SPATA17: variants seen among roughly 807,000 people sequenced by gnomAD.
The protein encoded by SPATA17 is spermatogenesis associated 17.
Under a neutral mutation model 62.2 loss-of-function variants are expected in SPATA17, and 53 were observed. The observed-to-expected ratio is 0.85, with a 90% CI of 0.68 to 1.07. The LOEUF is 1.07. Ranked by LOEUF, SPATA17 falls within the 50% of genes least tolerant of loss-of-function variation. The probability of loss-of-function intolerance (pLI) is 0.00; values close to 1 mark genes in which losing one functional copy is unlikely to be tolerated. For missense variants in SPATA17, 466 were observed against 425.5 expected, an observed-to-expected ratio of 1.10 and a Z score of -0.84; for synonymous variants, 146 against 146.8, an observed-to-expected ratio of 0.99 and a Z score of 0.04.
At chr1:217,640,333 A>G (rs1670032171) in intron 1 of SPATA17, among the ~76,000 whole-genome samples, 1 of 152,156 alleles carries the variant, frequency 6.6e-6, no homozygotes, top group African/African-American at 2.4e-5. Flanking sequence ...TATATGTGTA[A>G]AAAACTCTAT....
At chr1:217,832,813 C>T (rs781367707) in intron 9 of SPATA17, among the ~76,000 whole-genome samples, 4 of 151,860 alleles carry the variant, frequency 2.6e-5, no homozygotes, top group Non-Finnish European at 5.9e-5. Flanking sequence ...TGTGGCAGTG[C>T]GCATCTGTAG....
intron 9 of SPATA17, among the ~76,000 whole-genome samples, chr1:217,847,046 T>G (rs1292776805): frequency 6.6e-6 from 1 of 152,068 alleles, no homozygotes; most frequent in African/African-American, 2.4e-5. Flanking sequence ...TGAATTTCAC[T>G]TTATTCAAGA....
At chr1:217,682,886 A>G (rs1282407114) in intron 4 of SPATA17, among the ~76,000 whole-genome samples, 1 of 152,148 alleles carries the variant, frequency 6.6e-6, no homozygotes, top group South Asian at 2.1e-4. Context: ...GTATATTTCA[A>G]TGAGACCAAA....
chr1:217,749,985 C>CTCTCTATATA lies in SPATA17; in HGVS notation c.519+7888_519+7889insCTCTATATAT. Among the ~76,000 whole-genome samples, 54 of 12,312 alleles carry CTCTCTATATA rather than the reference C, an allele frequency of 4.4e-3. 5 individuals carry two copies. Among genetic ancestry groups the CTCTCTATATA allele is most frequent in the East Asian group, 9.2e-3 (4 of 436 alleles). 8.1% of individuals were successfully genotyped at this position (12,312 alleles called of 152,430 possible). On this transcript the variant is annotated intron_variant, in intron 6 of 10. Coordinates refer to ENST00000366933, the MANE Select transcript of SPATA17 (RefSeq NM_138796.4). ...TCTCTCTCTCTCTCTCTCTCTCTCT[C>CTCTCTATATA]TATATATATATATATATATATATAT... is the stretch of plus-strand genomic sequence containing the variant.
intron 8 of SPATA17, among the ~76,000 whole-genome samples, chr1:217,792,813 TCTC>T (rs1456795252): frequency 6.6e-6 from 1 of 152,050 alleles, no homozygotes; most frequent in Non-Finnish European, 1.5e-5. Flanking sequence ...CAAGCAAGAA[TCTC>T]CTCAGATTGA....
chr1:217,633,197 C>CAAATAAATAAAT (rs139113077), intron 1 of SPATA17, among the ~76,000 whole-genome samples: 3 of 145,746 alleles, frequency 2.1e-5, no homozygotes, highest in African/African-American at 7.6e-5. Flanking sequence ...GACTCTGTCT[C>CAAATAAATAAAT]AAATAAATAA....
At chr1:217,814,758 G>A (rs1334441868) in intron 9 of SPATA17, among the ~76,000 whole-genome samples, 1 of 152,170 alleles carries the variant, frequency 6.6e-6, no homozygotes, top group South Asian at 2.1e-4. Context: ...TGATGTGGGA[G>A]GATTGTGTGA....
intron 5 of SPATA17, among the ~76,000 whole-genome samples, chr1:217,740,069 A>G (rs1016183054): frequency 3.3e-5 from 5 of 151,508 alleles, no homozygotes; most frequent in Admixed American, 2.0e-4. Context: ...TGTTTTTACT[A>G]CTTAAAATAA....
intron 5 of SPATA17, among the ~76,000 whole-genome samples, chr1:217,731,922 C>T (rs1558583580): frequency 6.6e-6 from 1 of 152,012 alleles, no homozygotes; most frequent in African/African-American, 2.4e-5. Context: ...TAACCTACTA[C>T]AAAAAAAGCA....
chr1:217,842,284 C>G (rs1675426418), intron 9 of SPATA17, among the ~76,000 whole-genome samples: 1 of 151,858 alleles, frequency 6.6e-6, no homozygotes, highest in Non-Finnish European at 1.5e-5. Context: ...CTTAGACAGT[C>G]CTTGTCAAGT....
chr1:217,658,483 G>T lies in SPATA17; in HGVS notation c.240+7305G>T, dbSNP rs935859344. Among the ~76,000 whole-genome samples the T allele has an allele frequency of 7.2e-5, 11 of 152,276 alleles. No individual in the cohort carries two copies. In the East Asian group the frequency reaches 2.1e-3, roughly 29 times the overall value. On this transcript the variant is annotated intron_variant, in intron 3 of 10. Coordinates refer to ENST00000366933, the MANE Select transcript of SPATA17 (RefSeq NM_138796.4). ...TATAAATTAGTCAGTCTGGGGCCGG[G>T]TGTGGAGGCTCACACCTGTAATCCC... is the stretch of plus-strand genomic sequence containing the variant.
chr1:217,858,377 A>G (rs987328116), intron 9 of SPATA17, among the ~76,000 whole-genome samples: 1 of 152,204 alleles, frequency 6.6e-6, no homozygotes, highest in African/African-American at 2.4e-5. Flanking sequence ...AGAGGAAAAT[A>G]CTAGTGTTAA....
chr1:217,793,427 A>G (rs1484845159), intron 8 of SPATA17, among the ~76,000 whole-genome samples: 2 of 151,934 alleles, frequency 1.3e-5, no homozygotes, highest in East Asian at 2.0e-4. Flanking sequence ...TCACCGTGTT[A>G]GCCAGGATGG....
At chr1:217,801,902 A>G in intron 9 of SPATA17, 52 bp downstream of exon 9, 2 of 1,496,770 alleles carry the variant, frequency 1.3e-6, no homozygotes, top group South Asian at 1.2e-5. Context: ...AGCTAGAAAT[A>G]TACATTAATT....
intron 5 of SPATA17, among the ~76,000 whole-genome samples, chr1:217,685,495 T>C (rs1327332962): frequency 6.6e-6 from 1 of 152,230 alleles, no homozygotes; most frequent in Non-Finnish European, 1.5e-5. Context: ...GCCATTCTAT[T>C]ATTTCTAGCT....
intron 3 of SPATA17, among the ~76,000 whole-genome samples, chr1:217,663,639 A>C (rs886755730): frequency 6.6e-5 from 10 of 152,214 alleles, no homozygotes; most frequent in African/African-American, 2.4e-4. Flanking sequence ...TCTGTTATCC[A>C]TTGTGCATGG....
At chr1:217,859,970 A>G (rs952917678) in intron 9 of SPATA17, among the ~76,000 whole-genome samples, 5 of 152,064 alleles carry the variant, frequency 3.3e-5, no homozygotes, top group Non-Finnish European at 7.4e-5. Context: ...TTTTTAATAT[A>G]GTTTTCTAAA....
At chr1:217,696,096 C>T (rs1183395563) in intron 5 of SPATA17, among the ~76,000 whole-genome samples, 2 of 152,344 alleles carry the variant, frequency 1.3e-5, no homozygotes, top group Non-Finnish European at 2.9e-5. Flanking sequence ...GCTAGCCTTG[C>T]TGCCGCCTTG....
chr1:217,800,872 C>A (rs1674292121), intron 8 of SPATA17, among the ~76,000 whole-genome samples: 1 of 151,978 alleles, frequency 6.6e-6, no homozygotes, highest in Admixed American at 6.6e-5. Flanking sequence ...ACTCTTATTT[C>A]AGTGTGTTTT....
Sources: allele counts gnomAD v4.1 joint callset (sites outside exome capture counted in the v4.1 genomes callset), GRCh38; gene constraint gnomAD v4.1.1; transcripts MANE v1.5; gene names NCBI Gene and HGNC (gene_info 2026-07-23, HGNC 2026-07-21).